NEDD4: variants seen among roughly 807,000 people sequenced by gnomAD.
NEDD4 encodes the protein E3 ubiquitin-protein ligase NEDD4.
A neutral mutation model predicts 144.9 loss-of-function variants in NEDD4; 99 were observed. The observed-to-expected ratio is 0.68, with a 90% CI of 0.58 to 0.81. The LOEUF (loss-of-function observed/expected upper bound fraction) is 0.81, where lower values mean the gene tolerates loss of function less well. Ranked by LOEUF, NEDD4 falls within the 30% of genes least tolerant of loss-of-function variation. The probability of loss-of-function intolerance (pLI) is 0.00; values close to 1 mark genes in which losing one functional copy is unlikely to be tolerated. For missense variants in NEDD4, 985 were observed against 1,065.9 expected, an observed-to-expected ratio of 0.92 and a Z score of 1.06; for synonymous variants, 318 against 350.6, an observed-to-expected ratio of 0.91 and a Z score of 1.04.
intron 6 of NEDD4, 109 bp from the exon 7 acceptor site, chr15:55,872,585 G>GA: frequency 2.0e-5 from 8 of 395,214 alleles, no homozygotes; most frequent in East Asian, 4.2e-5. Context: ...TTGGAAGTGA[G>GA]AAAAAAAAGT....
At chr15:55,870,846 C>T (rs1390929504) in intron 7 of NEDD4, among the ~76,000 whole-genome samples, 2 of 152,112 alleles carry the variant, frequency 1.3e-5, no homozygotes, top group African/African-American at 4.8e-5. Flanking sequence ...AGGCTTAATT[C>T]TATTGTCCTC....
chr15:55,865,673 A>G (rs2034562100), intron 8 of NEDD4, among the ~76,000 whole-genome samples: 1 of 152,144 alleles, frequency 6.6e-6, no homozygotes, highest in African/African-American at 2.4e-5. Context: ...GCAGTAAATG[A>G]CTGCTGTGTG....
At chr15:55,959,008 T>A (rs1384420590) in intron 2 of NEDD4, among the ~76,000 whole-genome samples, 1 of 117,722 alleles carries the variant, frequency 8.5e-6, no homozygotes, top group African/African-American at 3.0e-5. Context: ...TTGTCCACTT[T>A]CTCTTTCACT....
intron 5 of NEDD4, among the ~76,000 whole-genome samples, chr15:55,918,959 A>C (rs146793302): frequency 2.2e-4 from 34 of 152,268 alleles, no homozygotes; most frequent in Non-Finnish European, 4.3e-4. Context: ...AGGCTAATCA[A>C]TGAGATCTAA....
intron 8 of NEDD4, among the ~76,000 whole-genome samples, chr15:55,869,021 C>G (rs369077103): frequency 6.6e-6 from 1 of 152,154 alleles, no homozygotes; most frequent in African/African-American, 2.4e-5. Context: ...CTCCTACTTG[C>G]TTACTCCAGA....
intron 5 of NEDD4, among the ~76,000 whole-genome samples, chr15:55,899,997 T>C: frequency 6.6e-6 from 1 of 152,182 alleles, no homozygotes; most frequent in East Asian, 1.9e-4. Context: ...TCTTGCTGTC[T>C]CTGAGATTCA....
chr15:55,976,589 C>G (rs72734385), intron 1 of NEDD4, among the ~76,000 whole-genome samples: 19,884 of 151,056 alleles, frequency 0.13, 1,429 homozygotes, highest in East Asian at 0.32. Flanking sequence ...CTGGCAAGAA[C>G]GTGGCAAAAG....
Position 55,838,134 on chromosome 15 carries a change from G to T in NEDD4, c.2174C>A (p.Thr725Asn). 6.3e-7 allele frequency: 1 copy of T among 1,589,638 alleles called. No individual in the cohort carries two copies. The highest frequency in any genetic ancestry group is 1.1e-5 in the South Asian group (1 of 88,120). ...LKNGGSEIVV[T>N]NKNKKEYIYL... ...AATATATTCCTTTTTGTTCTTATTG[G>T]TGACAACTATTTCTGATCCACCATT... is the stretch of plus-strand genomic sequence containing the variant. The change falls in exon 23 of 29, where the codon ACC becomes AAC. Residue 725 changes from threonine (T) to asparagine (N), a missense_variant. By Grantham distance (65) the Thr-to-Asn change is moderately conservative. Coordinates refer to ENST00000435532, the MANE Select transcript of NEDD4 (RefSeq NM_006154.4).
intron 7 of NEDD4, among the ~76,000 whole-genome samples, chr15:55,871,420 A>G (rs74015327): frequency 0.021 from 3,144 of 152,296 alleles, 119 homozygotes; most frequent in African/African-American, 0.072. Context: ...AACAAATTGT[A>G]TTTTTTAAAG....
intron 1 of NEDD4, among the ~76,000 whole-genome samples, chr15:55,988,654 G>A (rs1346916552): frequency 6.6e-6 from 1 of 152,240 alleles, no homozygotes; most frequent in Non-Finnish European, 1.5e-5. Flanking sequence ...GGTATCTGTG[G>A]ATTGAATGGC....
At chr15:55,959,210 T>G (rs1480617216) in intron 2 of NEDD4, among the ~76,000 whole-genome samples, 1 of 152,162 alleles carries the variant, frequency 6.6e-6, no homozygotes, top group Non-Finnish European at 1.5e-5. Context: ...ATTGTGATAT[T>G]GCTGTATTTT....
intron 4 of NEDD4, among the ~76,000 whole-genome samples, chr15:55,935,781 A>C (rs2036876738): frequency 7.0e-6 from 1 of 142,336 alleles, no homozygotes; most frequent in Non-Finnish European, 1.5e-5. Flanking sequence ...CGGGAGGCAG[A>C]GGTTGCAGTG....
chr15:55,993,095 C>G (rs2140462298), intron 1 of NEDD4, among the ~76,000 whole-genome samples: 1 of 152,356 alleles, frequency 6.6e-6, no homozygotes, highest in Non-Finnish European at 1.5e-5. Flanking sequence ...GCCCGGCCTC[C>G]GCCAGAGCAA....
chr15:55,860,777 C>T lies in NEDD4; in HGVS notation c.676G>A (p.Asp226Asn). The T allele has an allele frequency of 6.2e-7, 1 of 1,613,156 alleles. No individual in the cohort carries two copies. Among genetic ancestry groups the T allele is most frequent in the East Asian group, 2.2e-5 (1 of 44,868 alleles). The change falls in exon 10 of 29, where the codon GAC (aspartate) becomes AAC (asparagine). Residue 226 changes from aspartate to asparagine, a missense_variant and splice_region_variant. Coordinates refer to ENST00000435532, the MANE Select transcript of NEDD4 (RefSeq NM_006154.4). ...RTQWKRPTPQ[D>N]NLTDAENGNI... ...CCATTCTCAGCATCTGTTAGGTTGT[C>T]CCTATATTGGAAGTATAAAAAGCCA... is the stretch of plus-strand genomic sequence containing the variant.
chr15:55,871,828 AC>A (rs1386613147), intron 7 of NEDD4, among the ~76,000 whole-genome samples: 12 of 152,156 alleles, frequency 7.9e-5, no homozygotes, highest in African/African-American at 2.9e-4. Context: ...AAATCCACAC[AC>A]GTTTTCACTA....
At position 55,844,966 on chromosome 15, in the gene NEDD4, C is replaced by A. The variant is rs144746077; in HGVS notation, c.1608+2003G>T. ...GGGATTACAGGCATGAACCACTGCA[C>A]CTGGTGTTTTTAATATTCTTTATTT... On this transcript the variant is annotated intron_variant, in intron 18 of 28. Transcript: ENST00000435532. Among the ~76,000 whole-genome samples, 753 of 152,144 alleles carry A rather than the reference C, an allele frequency of 4.9e-3. 9 individuals are homozygous for A. The highest frequency in any genetic ancestry group is 0.017 in the African/African-American group (724 of 41,476).
At chr15:55,900,048 T>C (rs2142151615) in intron 5 of NEDD4, among the ~76,000 whole-genome samples, 2 of 151,922 alleles carry the variant, frequency 1.3e-5, no homozygotes, top group Middle Eastern at 6.8e-3. Flanking sequence ...CACCACACTG[T>C]GTTCAGAATC....
chr15:55,976,622 C>CA (rs754034730), intron 1 of NEDD4, among the ~76,000 whole-genome samples: 103 of 122,180 alleles, frequency 8.4e-4, no homozygotes, highest in Non-Finnish European at 1.3e-3. Flanking sequence ...CCAATCTGGG[C>CA]AAAAATTTTT....
chr15:55,901,791 C>A (rs1344964584), intron 5 of NEDD4, among the ~76,000 whole-genome samples: 1 of 151,998 alleles, frequency 6.6e-6, no homozygotes, highest in East Asian at 1.9e-4. Context: ...GTTTACAGTG[C>A]CTTCAGACAC....
Sources: gnomAD v4.1 joint callset for allele counts (sites outside exome capture counted in the v4.1 genomes callset) on GRCh38, gnomAD v4.1.1 for gene constraint, MANE v1.5 for transcripts, NCBI Gene and HGNC (gene_info 2026-07-23, HGNC 2026-07-21) for gene names.